Variants in DCST1 observed in about 807,000 individuals in gnomAD.
DCST1 encodes E3 ubiquitin-protein ligase DCST1.
DCST1 carries 78 observed loss-of-function variants against 89.1 expected under a neutral mutation model. The observed-to-expected ratio is 0.88, with a 90% CI of 0.73 to 1.06. The LOEUF is 1.06. Ranked by LOEUF, DCST1 falls within the 50% of genes least tolerant of loss-of-function variation. DCST1 has a pLI of 0.00. For synonymous variants in DCST1, 364 were observed against 371.9 expected, an observed-to-expected ratio of 0.98 and a Z score of 0.24; for missense variants, 900 against 928.6, an observed-to-expected ratio of 0.97 and a Z score of 0.40.
Position 155,047,319 on chromosome 1 carries a change from G to A in DCST1, c.1612+7G>A, listed in dbSNP as rs749208161. The stretch of plus-strand genomic sequence containing the variant: ...ATGGAATCAAACAACATGCGTGAGT[G>A]ATGCTGAAAGTTTGGATCAGAGGAA... On this transcript the variant is annotated splice_region_variant and intron_variant, in intron 14 of 16. Coordinates refer to ENST00000295542, the MANE Select transcript of DCST1 (RefSeq NM_152494.4). 59 of 1,607,480 alleles carry A rather than the reference G, an allele frequency of 3.7e-5. No homozygotes were observed. In the Admixed American group the frequency reaches 9.7e-4, roughly 26 times the overall value.
rs377329888 is a variant in DCST1, at chr1:155,034,917, C to T, written c.262+190C>T. Reference sequence around the variant, plus strand: ...CCAATTTAAGAAGGAAGACACCGTCCTTGCCCTGAGGGAGTCTCTCCATTC... The same window carrying T: ...CCAATTTAAGAAGGAAGACACCGTCTTTGCCCTGAGGGAGTCTCTCCATTC... On this transcript the variant is annotated intron_variant, in intron 4 of 16. Coordinates refer to ENST00000295542, the MANE Select transcript of DCST1 (RefSeq NM_152494.4). The T allele has an allele frequency of 5.7e-5, 36 of 631,538 alleles. 1 individual carries two copies. In the South Asian group the frequency reaches 6.8e-4, roughly 12 times the overall value. 39.1% of individuals were successfully genotyped at this position (631,538 alleles called of 1,614,324 possible).
In DCST1 at chr1:155,050,668, T is replaced by A; in HGVS notation, c.1921T>A (p.Trp641Arg). ...CCGCGGCTGCCCGCTCCTGCGCCGC[T>A]GGCTGTGCCGGCGCTGCGTGGTGTG... ...LHRGCPLLRRWLCRRCVVCQA... is the reference protein window; with the variant it reads ...LHRGCPLLRRRLCRRCVVCQA... The change falls in exon 17 of 17, where the codon TGG (tryptophan) becomes AGG (arginine). Residue 641 changes from tryptophan to arginine, a missense_variant. By Grantham distance (101) the Trp-to-Arg change is moderately radical. Coordinates refer to ENST00000295542, the MANE Select transcript of DCST1 (RefSeq NM_152494.4). 6.2e-7 allele frequency: 1 copy of A among 1,601,668 alleles called. No individual in the cohort carries two copies. Among genetic ancestry groups the A allele is most frequent in the Non-Finnish European group, 8.5e-7 (1 of 1,176,282 alleles).
rs373745947 is a variant in DCST1 at position 155,048,093 on chromosome 1, C to G, written c.1792C>G (p.Leu598Val). The G allele has an allele frequency of 2.4e-5, 38 of 1,613,934 alleles. No homozygotes were observed. The highest frequency in any genetic ancestry group is 3.2e-5 in the Non-Finnish European group (38 of 1,180,022). The change falls in exon 16 of 17, where the codon CTA (leucine) becomes GTA (valine). Residue 598 changes from leucine to valine, a missense_variant. By Grantham distance (32) the Leu-to-Val change is conservative. Transcript: ENST00000295542. ...GCGGATCCTGTTCCTCTACAATGAC[C>G]TATTGAAGAAAAGAGCAGCCTTCAC... ...KKRILFLYND[L>V]LKKRAAFTKL... is the part of the protein sequence containing the mutation.
chr1:155,049,667 A>G (rs1227360731), intron 16 of DCST1, among the ~76,000 whole-genome samples: 1 of 152,220 alleles, frequency 6.6e-6, no homozygotes, highest in Non-Finnish European at 1.5e-5. Flanking sequence ...TTATTTAATC[A>G]GTCCTAACAA....
In DCST1 at chr1:155,034,463, G is replaced by A; in HGVS notation, c.90G>A (p.Leu30=). ...TTVQRLLTWG[L]PVSCSWFLWR... is the part of the protein sequence containing the mutation. The stretch of plus-strand genomic sequence containing the variant: ...TGCAGAGGCTCCTGACCTGGGGGCT[G>A]CCAGTCTCCTGTAGCTGGTTCCTGT... The change falls in exon 3 of 17, where the codon CTG becomes CTA. Residue 30 remains leucine, a synonymous_variant. Coordinates refer to ENST00000295542, the MANE Select transcript of DCST1 (RefSeq NM_152494.4). The A allele has an allele frequency of 1.2e-6, 2 of 1,614,004 alleles. No homozygotes were observed. The highest frequency in any genetic ancestry group is 1.7e-6 in the Non-Finnish European group (2 of 1,180,024).
At chr1:155,033,893 A>C in intron 1 of DCST1, 39 bp downstream of exon 1, 1 of 1,292,222 alleles carries the variant, frequency 7.7e-7, no homozygotes, top group Non-Finnish European at 1.1e-6. Flanking sequence ...TCGGAGCAGA[A>C]GGATTAAAAG....
chr1:155,048,167 T>G lies in DCST1; in HGVS notation c.1866T>G (p.Ala622=). 1.9e-6 allele frequency: 3 copies of G among 1,613,422 alleles called. No individual in the cohort carries two copies. The highest frequency in any genetic ancestry group is 2.5e-6 in the Non-Finnish European group (3 of 1,179,776). ...TGAGGCGGGAGCGACAGCAGAAGGC[T>G]CCGGTAAGTCCAGGCGTAAGTGCTG... ...AILRRERQQK[A]PRHPLADILH... is the part of the protein sequence containing the mutation. Residue 622 remains alanine, a synonymous_variant, in exon 16 of 17, where the codon GCT becomes GCG. Coordinates refer to ENST00000295542, the MANE Select transcript of DCST1 (RefSeq NM_152494.4).
chr1:155,044,655 C>T (rs543671397), intron 10 of DCST1, among the ~76,000 whole-genome samples: 4 of 152,218 alleles, frequency 2.6e-5, no homozygotes, highest in African/African-American at 9.6e-5. Flanking sequence ...AGATGCGGAA[C>T]GGTGGTCAAG....
intron 10 of DCST1, chr1:155,045,639 CCCACCT>C: frequency 1.9e-6 from 1 of 517,308 alleles, no homozygotes; most frequent in Non-Finnish European, 3.5e-6. Context: ...CCTCTGAGCC[CCCACCT>C]CATCCCCTAC....
intron 2 of DCST1, 75 bp from the exon 3 acceptor site, chr1:155,034,360 T>G: frequency 6.2e-7 from 1 of 1,610,704 alleles, no homozygotes; most frequent in South Asian, 1.1e-5. Context: ...TCTATCCACC[T>G]GCAAGCCCTG....
At chr1:155,044,686 G>A (rs1226216013) in intron 10 of DCST1, among the ~76,000 whole-genome samples, 5 of 152,286 alleles carry the variant, frequency 3.3e-5, no homozygotes, top group Admixed American at 2.0e-4. Context: ...TGTCCCTTGC[G>A]TAAGGCTCCT....
chr1:155,040,544 G>T lies in DCST1; in HGVS notation c.451G>T (p.Val151Leu). The T allele has an allele frequency of 6.3e-7, 1 of 1,592,764 alleles. No homozygotes were observed. The highest frequency in any genetic ancestry group is 8.6e-7 in the Non-Finnish European group (1 of 1,168,654). The change falls in exon 6 of 17, where the codon GTG becomes TTG. Residue 151 changes from valine to leucine, a missense_variant. Transcript: ENST00000295542. ...NNVIASLGCT[V>L]ELQINNTRAA... ...CGTGATCGCATCGCTGGGCTGCACC[G>T]TGGAGCTGCAGATCAACAACACCCG... is the stretch of plus-strand genomic sequence containing the variant.
At chr1:155,046,518 C>T (rs1660635765) in intron 13 of DCST1, 32 bp downstream of exon 13, 1 of 1,611,714 alleles carries the variant, frequency 6.2e-7, no homozygotes, top group Non-Finnish European at 8.5e-7. Context: ...ATTCCAGGCC[C>T]AAGAGACACC....
intron 16 of DCST1, 55 bp downstream of exon 16, chr1:155,048,225 G>A (rs1660724571): frequency 4.1e-6 from 6 of 1,447,850 alleles, no homozygotes; most frequent in Non-Finnish European, 5.8e-6. Flanking sequence ...AAGTACAGCA[G>A]GCAAGGGGCA....
chr1:155,050,249 G>A (rs1660859448), intron 16 of DCST1, among the ~76,000 whole-genome samples: 1 of 152,236 alleles, frequency 6.6e-6, no homozygotes. Flanking sequence ...TTTACTATCT[G>A]TGTGACTTTG....
intron 16 of DCST1, 144 bp downstream of exon 16, chr1:155,048,314 T>C (rs1277422317): frequency 4.4e-6 from 3 of 678,150 alleles, no homozygotes; most frequent in Non-Finnish European, 5.0e-6. Flanking sequence ...TTTTTTGAGA[T>C]GGAATCTCAC....
At position 155,050,662 on chromosome 1, in the gene DCST1, C is replaced by A; in HGVS notation, c.1915C>A (p.Arg639Ser). 6.2e-7 allele frequency: 1 copy of A among 1,600,178 alleles called. No homozygotes were observed. The highest frequency in any genetic ancestry group is 1.7e-5 in the Admixed American group (1 of 59,318). The change falls in exon 17 of 17, where the codon CGC becomes AGC. Residue 639 changes from arginine to serine, a missense_variant. Physicochemically the swap from Arg to Ser is moderately radical, Grantham distance 110. Coordinates refer to ENST00000295542, the MANE Select transcript of DCST1 (RefSeq NM_152494.4). ...CCTGCACCGCGGCTGCCCGCTCCTG[C>A]GCCGCTGGCTGTGCCGGCGCTGCGT... ...DILHRGCPLL[R>S]RWLCRRCVVC...
In DCST1 at chr1:155,034,027, A is replaced by C. The variant is rs747657436; in HGVS notation, c.-10A>C. 6.2e-7 allele frequency: 1 copy of C among 1,614,006 alleles called. No individual in the cohort carries two copies. Among genetic ancestry groups the C allele is most frequent in the African/African-American group, 1.3e-5 (1 of 74,898 alleles). On this transcript the variant is annotated 5_prime_UTR_variant, in exon 2 of 17. Coordinates refer to ENST00000295542, the MANE Select transcript of DCST1 (RefSeq NM_152494.4). Reference sequence around the variant, plus strand: ...ACCTGGGATGAGTGGTGCTTCCCCAAAACAGACTCATGGACATTAAACATC... The same window carrying C: ...ACCTGGGATGAGTGGTGCTTCCCCACAACAGACTCATGGACATTAAACATC...
intron 9 of DCST1, 126 bp downstream of exon 9, chr1:155,042,982 G>A: frequency 2.7e-6 from 3 of 1,107,156 alleles, no homozygotes; most frequent in Non-Finnish European, 2.5e-6. Context: ...TGAGGGAGGG[G>A]GACAAGGAGG....
Sources: gnomAD v4.1 joint callset for allele counts (sites outside exome capture counted in the v4.1 genomes callset) on GRCh38, gnomAD v4.1.1 for gene constraint, MANE v1.5 for transcripts, NCBI Gene and HGNC (gene_info 2026-07-23, HGNC 2026-07-21) for gene names.